MED27: variants seen among roughly 807,000 people sequenced by gnomAD.
The protein encoded by MED27 is mediator of RNA polymerase II transcription subunit 27.
In MED27, 30 loss-of-function variants were observed where a neutral mutation model predicts 38.2. The observed-to-expected ratio is 0.79, with a 90% CI of 0.59 to 1.07. The LOEUF is 1.07. Among genes scored for constraint, MED27 ranks in the 50% least tolerant of loss-of-function variants. MED27 has a pLI of 0.00. For missense variants in MED27, 289 were observed against 397.5 expected (o/e 0.73, Z 2.32); for synonymous variants, 122 against 153.5 (o/e 0.79, Z 1.52).
intron 3 of MED27, among the ~76,000 whole-genome samples, chr9:131,962,259 C>T (rs992022180): frequency 1.3e-4 from 20 of 152,176 alleles, no homozygotes; most frequent in African/African-American, 3.9e-4. Flanking sequence ...ATTTTTGAGA[C>T]GGGGTCTGAC....
chr9:132,017,546 A>G (rs1832630986), intron 2 of MED27, among the ~76,000 whole-genome samples: 2 of 152,196 alleles, frequency 1.3e-5, no homozygotes, highest in Admixed American at 1.3e-4. Flanking sequence ...AAAATGAAAG[A>G]AGGAGAGAAA....
chr9:131,955,142 C>T (rs572892833), intron 3 of MED27, among the ~76,000 whole-genome samples: 3 of 152,022 alleles, frequency 2.0e-5, no homozygotes, highest in Admixed American at 6.6e-5. Context: ...CATAAAGAGC[C>T]CCCATATATT....
rs544900326 is a variant in MED27, at chr9:131,985,285, C to T, written c.479+29052G>A. ...ATTTTCTTTCAAATTTTACATAATA[C>T]ACTAAAACCTCTATTTCTTAATGTT... On this transcript the variant is annotated intron_variant, in intron 3 of 7. Transcript: ENST00000292035. 9.2e-5 allele frequency among the ~76,000 whole-genome samples: 14 copies of T among 152,256 alleles called. No homozygotes were observed. The South Asian group carries it at 2.5e-3, about 27-fold the overall frequency.
chr9:132,053,519 T>A lies in MED27; in HGVS notation c.348+23923A>T, dbSNP rs190841149. Among the ~76,000 whole-genome samples the A allele has an allele frequency of 5.8e-4, 88 of 152,178 alleles. 1 individual carries two copies. The East Asian group carries it at 0.016, about 27-fold the overall frequency. On this transcript the variant is annotated intron_variant, in intron 2 of 7. Transcript: ENST00000292035. ...GTCCCAAACTCTGCAGTGAATAACTTATAGACATTACTGCATCCTCACAAT... is the reference window on the plus strand; with the variant it reads ...GTCCCAAACTCTGCAGTGAATAACTAATAGACATTACTGCATCCTCACAAT...
At chr9:131,978,962 C>T (rs576390308) in intron 3 of MED27, among the ~76,000 whole-genome samples, 40 of 152,306 alleles carry the variant, frequency 2.6e-4, no homozygotes, top group African/African-American at 8.4e-4. Context: ...CTTTATACTA[C>T]AAAGCCCTAA....
At chr9:131,870,635 G>A (rs926122603) in intron 6 of MED27, among the ~76,000 whole-genome samples, 3 of 152,100 alleles carry the variant, frequency 2.0e-5, no homozygotes, top group African/African-American at 4.8e-5. Context: ...CCCACTCCAG[G>A]CCTCTTGGGG....
At chr9:131,932,123 A>G (rs1180557369) in intron 4 of MED27, among the ~76,000 whole-genome samples, 4 of 152,128 alleles carry the variant, frequency 2.6e-5, no homozygotes, top group Admixed American at 6.5e-5. Context: ...TACGTTAGGT[A>G]ACAAAACAAG....
intron 2 of MED27, among the ~76,000 whole-genome samples, chr9:132,035,401 G>A (rs1057012792): frequency 2.0e-5 from 3 of 152,176 alleles, no homozygotes; most frequent in African/African-American, 7.2e-5. Context: ...ACACTCTAGA[G>A]GAGAGATAGG....
At chr9:131,906,042 G>A (rs543895543) in intron 4 of MED27, among the ~76,000 whole-genome samples, 17 of 152,314 alleles carry the variant, frequency 1.1e-4, no homozygotes, top group South Asian at 1.0e-3. Context: ...TGAACAAAAC[G>A]GGGATAGCTT....
chr9:131,957,881 C>T (rs1410271649), intron 3 of MED27, among the ~76,000 whole-genome samples: 2 of 146,074 alleles, frequency 1.4e-5, no homozygotes, highest in Non-Finnish European at 3.0e-5. Context: ...GAATTCAAGA[C>T]GACCCTGTCT....
intron 3 of MED27, among the ~76,000 whole-genome samples, chr9:131,986,980 C>T (rs1315634700): frequency 1.5e-5 from 2 of 136,410 alleles, no homozygotes; most frequent in African/African-American, 2.7e-5. Flanking sequence ...GACTCATGGG[C>T]CTTTCCTTGA....
chr9:131,944,530 CT>C (rs35269307), intron 3 of MED27, among the ~76,000 whole-genome samples: 34,964 of 140,822 alleles, frequency 0.25, 4,291 homozygotes, highest in East Asian at 0.37. Context: ...GGTTTTTAGT[CT>C]TTTTTTTTTT....
intron 2 of MED27, among the ~76,000 whole-genome samples, chr9:132,076,539 GA>G (rs1046553813): frequency 1.3e-5 from 2 of 151,618 alleles, no homozygotes; most frequent in Admixed American, 1.3e-4. Context: ...GACCTAAGGG[GA>G]AAAAAAACCA....
intron 2 of MED27, among the ~76,000 whole-genome samples, chr9:132,060,091 G>A (rs997782600): frequency 2.6e-5 from 4 of 152,210 alleles, no homozygotes; most frequent in African/African-American, 9.6e-5. Context: ...CTGCTGGGAA[G>A]TTGGTTTCAA....
chr9:131,967,379 A>T (rs1030372097), intron 3 of MED27, among the ~76,000 whole-genome samples: 2 of 152,262 alleles, frequency 1.3e-5, no homozygotes, highest in Non-Finnish European at 2.9e-5. Flanking sequence ...GGATAATTTT[A>T]AAATTAAACT....
At chr9:132,073,630 T>C in intron 2 of MED27, 2 of 1,450,278 alleles carry the variant, frequency 1.4e-6, no homozygotes, top group Non-Finnish European at 1.8e-6. Context: ...AACTTTGCAG[T>C]AACTTAGTCA....
chr9:131,940,227 T>G (rs1246876720), intron 3 of MED27, among the ~76,000 whole-genome samples: 1 of 152,126 alleles, frequency 6.6e-6, no homozygotes, highest in South Asian at 2.1e-4. Context: ...TTTAAATACC[T>G]GAAGTCATTC....
At chr9:131,974,466 C>T (rs1272374945) in intron 3 of MED27, among the ~76,000 whole-genome samples, 3 of 152,190 alleles carry the variant, frequency 2.0e-5, no homozygotes, top group Non-Finnish European at 4.4e-5. Context: ...TCCCAGGACA[C>T]TGGGGATGTG....
chr9:131,995,371 C>T (rs1310081679), intron 3 of MED27, among the ~76,000 whole-genome samples: 2 of 152,004 alleles, frequency 1.3e-5, no homozygotes, highest in Non-Finnish European at 2.9e-5. Flanking sequence ...CATGGACTTG[C>T]ACTTATTAAA....
Sources: allele counts gnomAD v4.1 joint callset (sites outside exome capture counted in the v4.1 genomes callset), GRCh38; gene constraint gnomAD v4.1.1; transcripts MANE v1.5; gene names NCBI Gene and HGNC (gene_info 2026-07-23, HGNC 2026-07-21).